The following PDK2 variants were observed in gnomAD, a reference collection of about 807,000 sequenced individuals.
PDK2 encodes the protein pyruvate dehydrogenase kinase, isozyme 2.
Under a neutral mutation model 50.4 loss-of-function variants are expected in PDK2, and 34 were observed. The observed-to-expected ratio is 0.68, with a 90% CI of 0.51 to 0.90. The LOEUF (loss-of-function observed/expected upper bound fraction) is 0.90, where lower values mean the gene tolerates loss of function less well. Ranked by LOEUF, PDK2 falls within the 40% of genes least tolerant of loss-of-function variation. The probability of loss-of-function intolerance (pLI) is 0.00; values close to 1 mark genes in which losing one functional copy is unlikely to be tolerated. For missense variants in PDK2, 377 were observed against 544.5 expected, an observed-to-expected ratio of 0.69 and a Z score of 3.06; for synonymous variants, 232 against 216.0, an observed-to-expected ratio of 1.07 and a Z score of -0.65.
chr17:50,105,365 A>G lies in PDK2; in HGVS notation c.261-6A>G. 1 of 1,599,348 alleles carries G rather than the reference A, an allele frequency of 6.3e-7. No individual in the cohort carries two copies. The highest frequency in any genetic ancestry group is 8.5e-7 in the Non-Finnish European group (1 of 1,174,320). On this transcript the variant is annotated splice_region_variant and splice_polypyrimidine_tract_variant and intron_variant, in intron 2 of 10. Coordinates refer to ENST00000503176, the MANE Select transcript of PDK2 (RefSeq NM_002611.5). ...TGAGGCTGTGTCCCCTCCCGCCCCC[A>G]CACAGGTATGTCCAGAGCCTCCTGG...
chr17:50,109,217 A>T lies in PDK2; in HGVS notation c.970-70A>T. On this transcript the variant is annotated intron_variant, in intron 9 of 10. Coordinates refer to ENST00000503176, the MANE Select transcript of PDK2 (RefSeq NM_002611.5). This position sits in a 1 kb window ranked among gnomAD's most constrained non-coding sequence, Gnocchi z 5.0. ...CAGCTCCACACCCTTCCCTCCCTGC[A>T]TCAGTCCCTGCAGCTCCAGGAGGCC... 2.1e-6 allele frequency: 2 copies of T among 930,740 alleles called. No individual in the cohort carries two copies. Among genetic ancestry groups the T allele is most frequent in the Non-Finnish European group, 3.4e-6 (2 of 590,220 alleles). The allele number at this position is 930,740 out of a possible 1,614,324, so 57.7% of individuals were successfully genotyped here. A position where few individuals can be genotyped will look rare whatever the true frequency, so the allele number is the denominator to read the frequency against.
At position 50,095,524 on chromosome 17, in the gene PDK2, C is replaced by G; in HGVS notation, c.89C>G (p.Pro30Arg). 6.2e-7 allele frequency: 1 copy of G among 1,607,142 alleles called. No homozygotes were observed. Among genetic ancestry groups the G allele is most frequent in the Non-Finnish European group, 8.5e-7 (1 of 1,176,948 alleles). The change falls in exon 1 of 11, where the codon CCG becomes CGG. Residue 30 changes from proline (P) to arginine (R), a missense_variant. Physicochemically the swap from Pro to Arg is moderately radical, Grantham distance 103. This residue lies in a region of PDK2 where 100 missense variants were observed against 115.5 expected (regional missense o/e 0.87). Transcript: ENST00000503176. ...IEHFSKFSPSPLSMKQFLDFG... is the reference protein window; with the variant it reads ...IEHFSKFSPSRLSMKQFLDFG... ...CACTTCAGCAAGTTCTCCCCGTCCC[C>G]GCTGTCCATGAAGCAGTTTCTGGAC...
intron 1 of PDK2, among the ~76,000 whole-genome samples, 191 bp from the exon 2 acceptor site, chr17:50,097,232 C>T (rs1343976398): frequency 6.6e-6 from 1 of 152,132 alleles, no homozygotes; most frequent in East Asian, 1.9e-4. Context: ...GAGGATGACA[C>T]CTCCTGAAGT....
At chr17:50,096,186 G>T (rs1047271385) in intron 1 of PDK2, 1 of 985,500 alleles carries the variant, frequency 1.0e-6, no homozygotes, top group African/African-American at 1.7e-5. Context: ...GATCAAATCT[G>T]TTCCGGCCTG....
At chr17:50,097,324 T>G in intron 1 of PDK2, 99 bp from the exon 2 acceptor site, 3 of 1,294,328 alleles carry the variant, frequency 2.3e-6, no homozygotes, top group Non-Finnish European at 3.2e-6. Context: ...ACTTGCTCTC[T>G]GAGCCCCCTG....
chr17:50,103,782 G>T (rs913399536), intron 2 of PDK2, among the ~76,000 whole-genome samples: 3 of 152,138 alleles, frequency 2.0e-5, no homozygotes, highest in Admixed American at 6.5e-5. Context: ...GGTGAGAGTC[G>T]AGCAGAATCA....
intron 1 of PDK2, chr17:50,096,112 T>A: frequency 1.0e-6 from 1 of 986,014 alleles, no homozygotes; most frequent in Non-Finnish European, 1.2e-6. Flanking sequence ...GTGCCCTGAC[T>A]GGTAGACATC....
intron 6 of PDK2, among the ~76,000 whole-genome samples, chr17:50,107,781 G>A (rs1910593495): frequency 6.6e-6 from 1 of 152,192 alleles, no homozygotes; most frequent in African/African-American, 2.4e-5. Flanking sequence ...CTCAACAGGG[G>A]TAGGGAGGAG....
chr17:50,106,618 G>GGAGGGGT, intron 4 of PDK2, 176 bp from the exon 5 acceptor site: 1 of 626,904 alleles, frequency 1.6e-6, no homozygotes, highest in Non-Finnish European at 2.8e-6. Context: ...AGCCAGGGCT[G>GGAGGGGT]GAGGGGTCAG....
intron 2 of PDK2, chr17:50,098,772 G>A (rs1910074741): frequency 6.6e-6 from 1 of 152,238 alleles, no homozygotes; most frequent in Non-Finnish European, 1.5e-5. Flanking sequence ...AAGGCTAGGG[G>A]TGTAGTGGGT....
chr17:50,109,186 T>C lies in PDK2; in HGVS notation c.970-101T>C. 1.5e-6 allele frequency: 1 copy of C among 670,794 alleles called. No homozygotes were observed. The highest frequency in any genetic ancestry group is 2.7e-5 in the Admixed American group (1 of 37,040). 41.6% of individuals were successfully genotyped at this position (670,794 alleles called of 1,614,324 possible). ...TCCCAGCTCTGGGACCCCTGCCATGTGACCCCAGCTCCACACCCTTCCCTC... is the reference window on the plus strand; with the variant it reads ...TCCCAGCTCTGGGACCCCTGCCATGCGACCCCAGCTCCACACCCTTCCCTC... On this transcript the variant is annotated intron_variant, in intron 9 of 10. Coordinates refer to ENST00000503176, the MANE Select transcript of PDK2 (RefSeq NM_002611.5). The surrounding 1 kb of genome is among the most constrained non-coding windows in gnomAD (Gnocchi z 5.0).
chr17:50,105,277 G>A, intron 2 of PDK2, 94 bp from the exon 3 acceptor site: 2 of 804,510 alleles, frequency 2.5e-6, no homozygotes, highest in Non-Finnish European at 3.8e-6. Context: ...GCCCGCGTAG[G>A]AGCAGGACAA....
Position 50,107,170 on chromosome 17 carries a change from GTGTA to G in PDK2, c.685+21_685+24del. 6.2e-7 allele frequency: 1 copy of G among 1,609,260 alleles called. No individual in the cohort carries two copies. Among genetic ancestry groups the G allele is most frequent in the Non-Finnish European group, 8.5e-7 (1 of 1,175,578 alleles). On this transcript the variant is annotated intron_variant, in intron 6 of 10. Coordinates refer to ENST00000503176, the MANE Select transcript of PDK2 (RefSeq NM_002611.5). ...AGATCAATGGTGAGTGAGCGGGGCT[GTGTA>G]TGTGTCTGTCTTGGGGCTGGGGACG...
intron 1 of PDK2, among the ~76,000 whole-genome samples, chr17:50,096,609 G>T (rs540851176): frequency 6.6e-6 from 1 of 152,230 alleles, no homozygotes; most frequent in South Asian, 2.1e-4. Context: ...AAAGCCTCCT[G>T]GGCCCACCCC....
intron 8 of PDK2, 74 bp downstream of exon 8, chr17:50,108,491 CT>C: frequency 7.0e-7 from 1 of 1,422,440 alleles, no homozygotes; most frequent in Non-Finnish European, 9.8e-7. Context: ...ACGGGCTTTC[CT>C]TTTCTCCTAC....
At chr17:50,097,182 CTG>C (rs976973737) in intron 1 of PDK2, among the ~76,000 whole-genome samples, 2 of 152,110 alleles carry the variant, frequency 1.3e-5, no homozygotes, top group Admixed American at 1.3e-4. Context: ...GCCCTGTCCA[CTG>C]TGGTTAAAGG....
In PDK2 at chr17:50,109,133, A is replaced by T. The variant is rs1910682619; in HGVS notation, c.970-154A>T. The stretch of plus-strand genomic sequence containing the variant: ...CCCATTCACCCCACACACACTTCTT[A>T]CCTCAGTGTCCCCTCCCACATGTCC... On this transcript the variant is annotated intron_variant, in intron 9 of 10. Coordinates refer to ENST00000503176, the MANE Select transcript of PDK2 (RefSeq NM_002611.5). This position sits in a 1 kb window ranked among gnomAD's most constrained non-coding sequence, Gnocchi z 5.0. 6.6e-6 allele frequency among the ~76,000 whole-genome samples: 1 copy of T among 150,656 alleles called. No individual in the cohort carries two copies. Among genetic ancestry groups the T allele is most frequent in the Non-Finnish European group, 1.5e-5 (1 of 67,612 alleles).
At chr17:50,096,522 A>G (rs555380821) in intron 1 of PDK2, among the ~76,000 whole-genome samples, 3 of 152,196 alleles carry the variant, frequency 2.0e-5, no homozygotes, top group African/African-American at 7.2e-5. Context: ...GGCAGCCGAG[A>G]CATAAGGCAC....
chr17:50,095,740 G>GATGGGA, intron 1 of PDK2, 187 bp downstream of exon 1: 2 of 1,421,524 alleles, frequency 1.4e-6, no homozygotes, highest in East Asian at 5.3e-5. Flanking sequence ...CGGGGCTGCT[G>GATGGGA]ATGGGAATGG....
Sources: allele counts gnomAD v4.1 joint callset (sites outside exome capture counted in the v4.1 genomes callset), GRCh38; gene constraint gnomAD v4.1.1; regional missense constraint gnomAD v4.1.1; non-coding constraint Gnocchi (gnomAD v3.1); transcripts MANE v1.5; gene names NCBI Gene and HGNC (gene_info 2026-07-23, HGNC 2026-07-21).